The following ADCY5 variants were observed in gnomAD, a reference collection of about 807,000 sequenced individuals.
The protein encoded by ADCY5 is adenylate cyclase type 5.
ADCY5 carries 30 observed loss-of-function variants against 119.7 expected under a neutral mutation model. The ratio of observed to expected loss-of-function variants is 0.25; its 90% confidence interval spans 0.19 to 0.34. The LOEUF is 0.34. Ranked by LOEUF, ADCY5 falls within the 10% of genes least tolerant of loss-of-function variation. The probability of loss-of-function intolerance (pLI) is 1.00; values close to 1 mark genes in which losing one functional copy is unlikely to be tolerated. For synonymous variants in ADCY5, 753 were observed against 762.2 expected (o/e 0.99, Z 0.20); for missense variants, 1,324 against 1,775.2 (o/e 0.75, Z 4.57).
chr3:123,416,308 T>C (rs769384230), intron 1 of ADCY5: 1 of 1,535,954 alleles, frequency 6.5e-7, no homozygotes, highest in South Asian at 1.2e-5. Context: ...AAAAAGGGGC[T>C]AAAGGCAATA....
At chr3:123,353,477 C>T (rs1378801133) in intron 1 of ADCY5, among the ~76,000 whole-genome samples, 1 of 152,148 alleles carries the variant, frequency 6.6e-6, no homozygotes, top group African/African-American at 2.4e-5. Context: ...TGACTTGGGG[C>T]CACATGGAAC....
chr3:123,357,086 G>C (rs1418448551), intron 1 of ADCY5, among the ~76,000 whole-genome samples: 4 of 152,164 alleles, frequency 2.6e-5, no homozygotes, highest in Non-Finnish European at 5.9e-5. Context: ...GGGTAGGGCT[G>C]ACAACAAAGG....
chr3:123,391,921 T>C (rs1944411391), intron 1 of ADCY5, among the ~76,000 whole-genome samples: 1 of 152,112 alleles, frequency 6.6e-6, no homozygotes, highest in African/African-American at 2.4e-5. Flanking sequence ...GTCCAGCAAC[T>C]TCATCTCCGT....
At chr3:123,324,806 C>T (rs1026442716) in intron 8 of ADCY5, among the ~76,000 whole-genome samples, 5 of 152,218 alleles carry the variant, frequency 3.3e-5, no homozygotes, top group Non-Finnish European at 5.9e-5. Context: ...AGTGGGGGGT[C>T]TTTCTCAGCA....
intron 1 of ADCY5, among the ~76,000 whole-genome samples, chr3:123,429,682 C>G (rs1483672913): frequency 6.6e-6 from 1 of 152,200 alleles, no homozygotes; most frequent in African/African-American, 2.4e-5. Context: ...GGCCCATCCT[C>G]AAGAGGGCAG....
chr3:123,348,211 G>A (rs938379390), intron 2 of ADCY5, among the ~76,000 whole-genome samples: 1 of 152,112 alleles, frequency 6.6e-6, no homozygotes, highest in South Asian at 2.1e-4. Context: ...CCTCGGGTTA[G>A]AATCCTGGAT....
At chr3:123,408,590 A>C (rs1944964708) in intron 1 of ADCY5, among the ~76,000 whole-genome samples, 1 of 151,768 alleles carries the variant, frequency 6.6e-6, no homozygotes, top group Non-Finnish European at 1.5e-5. Context: ...CAGGAGGCGC[A>C]GGTTGCAGTG....
intron 1 of ADCY5, among the ~76,000 whole-genome samples, chr3:123,359,588 C>T (rs1450526079): frequency 2.0e-5 from 3 of 151,784 alleles, no homozygotes; most frequent in Admixed American, 6.6e-5. Context: ...TCTGCAATCA[C>T]CCCAATGAAG....
intron 1 of ADCY5, among the ~76,000 whole-genome samples, chr3:123,377,826 A>C (rs1446128328): frequency 6.8e-6 from 1 of 147,704 alleles, no homozygotes; most frequent in Admixed American, 6.9e-5. Context: ...GCTACTCGGG[A>C]GGCTGAGACA....
chr3:123,328,551 C>A, intron 6 of ADCY5, 93 bp downstream of exon 6: 1 of 1,479,978 alleles, frequency 6.8e-7, no homozygotes, highest in South Asian at 1.2e-5. Context: ...CCACCCCACC[C>A]TGCCCCGCCT....
intron 1 of ADCY5, among the ~76,000 whole-genome samples, chr3:123,369,992 C>T (rs1348132816): frequency 2.0e-5 from 3 of 152,208 alleles, no homozygotes; most frequent in African/African-American, 7.2e-5. Context: ...ACGGGAAGCA[C>T]TGACTGCCTT....
chr3:123,393,564 T>TTAATAAAA (rs1553743761), intron 1 of ADCY5, among the ~76,000 whole-genome samples: 2 of 143,436 alleles, frequency 1.4e-5, no homozygotes, highest in African/African-American at 5.4e-5. Flanking sequence ...TTCTAAAAAA[T>TTAATAAAA]TAAAATAAAA....
intron 2 of ADCY5, among the ~76,000 whole-genome samples, chr3:123,351,602 C>T (rs1942839559): frequency 6.6e-6 from 1 of 152,134 alleles, no homozygotes; most frequent in South Asian, 2.1e-4. Context: ...CCTGCAGACC[C>T]GCCCACTCTC....
intron 16 of ADCY5, 104 bp downstream of exon 16, chr3:123,297,249 C>T: frequency 1.3e-6 from 2 of 1,497,776 alleles, no homozygotes; most frequent in Non-Finnish European, 1.9e-6. Context: ...TCCTTCACTA[C>T]CCACCTTGCC....
Position 123,282,935 on chromosome 3 carries a change from A to G in ADCY5, c.*1673T>C, listed in dbSNP as rs1290169808. 1 of 152,230 alleles carries G rather than the reference A, an allele frequency of 6.6e-6. No individual in the cohort carries two copies. Among genetic ancestry groups the G allele is most frequent in the Admixed American group, 6.5e-5 (1 of 15,286 alleles). The allele number at this position is 152,230 out of a possible 1,614,324, so 9.4% of individuals were successfully genotyped here. A position where few individuals can be genotyped will look rare whatever the true frequency, so the allele number is the denominator to read the frequency against. On this transcript the variant is annotated 3_prime_UTR_variant, in exon 21 of 21. Coordinates refer to ENST00000462833, the MANE Select transcript of ADCY5 (RefSeq NM_183357.3). ...ATGGAAAGATTTGGGCATGGGCCCT[A>G]AGGATTCCACTGAATTCTGTGCTAG...
At chr3:123,415,546 G>A (rs1945166657) in intron 1 of ADCY5, among the ~76,000 whole-genome samples, 1 of 152,172 alleles carries the variant, frequency 6.6e-6, no homozygotes, top group African/African-American at 2.4e-5. Flanking sequence ...GCGTCTGCGG[G>A]ACCGTTTAGA....
At chr3:123,304,738 A>G (rs940205804) in intron 12 of ADCY5, among the ~76,000 whole-genome samples, 4 of 152,096 alleles carry the variant, frequency 2.6e-5, no homozygotes, top group Non-Finnish European at 4.4e-5. Flanking sequence ...CCAAGCTCCA[A>G]GGACCTGCCA....
intron 1 of ADCY5, among the ~76,000 whole-genome samples, chr3:123,424,488 T>C (rs1001030383): frequency 2.6e-5 from 4 of 152,132 alleles, no homozygotes; most frequent in Non-Finnish European, 4.4e-5. Flanking sequence ...CCAATTTCCC[T>C]GGAAAGATGG....
Position 123,297,290 on chromosome 3 carries a change from GCCCT to G in ADCY5, c.2930+59_2930+62del, listed in dbSNP as rs761117836. ...GGCCCCTCCCACCTGGGCACCAGCT[GCCCT>G]CCCTGTCTGCTCTGTGCTGAGGGCA... is the stretch of plus-strand genomic sequence containing the variant. On this transcript the variant is annotated intron_variant, in intron 16 of 20. Transcript: ENST00000462833. 640 of 1,587,306 alleles carry G rather than the reference GCCCT, an allele frequency of 4.0e-4. 1 individual carries two copies. The highest frequency in any genetic ancestry group is 5.3e-4 in the Non-Finnish European group (613 of 1,157,202).
Sources: allele counts gnomAD v4.1 joint callset (sites outside exome capture counted in the v4.1 genomes callset), GRCh38; gene constraint gnomAD v4.1.1; transcripts MANE v1.5; gene names NCBI Gene and HGNC (gene_info 2026-07-23, HGNC 2026-07-21).